Variants in ABRAXAS1 observed in about 807,000 individuals in gnomAD.
ABRAXAS1 encodes the protein abraxas 1, BRCA1 A complex subunit, also known as BRCA1-A complex subunit Abraxas 1.
ABRAXAS1 carries 26 observed loss-of-function variants against 38.4 expected under a neutral mutation model. The observed-to-expected ratio is 0.68, with a 90% CI of 0.50 to 0.94. The LOEUF is 0.94. ABRAXAS1 is among the 40% of genes least tolerant of loss of function. The pLI is 0.00. For synonymous variants in ABRAXAS1, 144 were observed against 165.5 expected (o/e 0.87, Z 1.00); for missense variants, 438 against 481.9 (o/e 0.91, Z 0.85).
intron 6 of ABRAXAS1, among the ~76,000 whole-genome samples, chr4:83,467,860 C>T (rs1414708969): frequency 6.6e-6 from 1 of 151,768 alleles, no homozygotes; most frequent in Non-Finnish European, 1.5e-5. Context: ...GCAATGGGAA[C>T]CGGAGTCAAT....
Position 83,485,062 on chromosome 4 carries a change from T to G in ABRAXAS1, c.11A>C (p.Glu4Ala), listed in dbSNP as rs780837222. 5 of 1,587,126 alleles carry G rather than the reference T, an allele frequency of 3.2e-6. No homozygotes were observed. The highest frequency in any genetic ancestry group is 4.3e-6 in the Non-Finnish European group (5 of 1,167,148). Residue 4 changes from glutamate to alanine, a missense_variant, in exon 1 of 9, where the codon GAG (glutamate) becomes GCG (alanine). By Grantham distance (107) the Glu-to-Ala change is moderately radical (BLOSUM62 -1). Transcript: ENST00000321945. MEG[E>A]STSAVLSGFV... ...GCCCGAGAGCACCGCCGACGTACTC[T>G]CCCCCTCCATGCTACCGCCGCCTCA...
intron 3 of ABRAXAS1, among the ~76,000 whole-genome samples, chr4:83,474,144 A>T (rs931390802): frequency 5.6e-5 from 8 of 141,940 alleles, no homozygotes; most frequent in Non-Finnish European, 1.1e-4. Flanking sequence ...CCTTGTCTAA[A>T]AAATAAATAA....
Position 83,462,783 on chromosome 4 carries a change from CAT to C in ABRAXAS1, c.914_915del (p.His305ArgfsTer3). 1 of 1,613,948 alleles carries C rather than the reference CAT, an allele frequency of 6.2e-7. No individual in the cohort carries two copies. Among genetic ancestry groups the C allele is most frequent in the Non-Finnish European group, 8.5e-7 (1 of 1,179,946 alleles). On this transcript the variant is annotated frameshift_variant, in exon 9 of 9. Transcript: ENST00000321945. LOFTEE classifies it low-confidence loss of function (END_TRUNC). ...TTGTAGTTACAGCTACTTTTAGAAA[CAT>C]GTCTATTTTTTAAAGACATAACACA... is the stretch of plus-strand genomic sequence containing the variant. The part of the protein sequence containing the change: ...HSCVMSLKNR[H>X]VSKSSCNYNH...
In ABRAXAS1 at chr4:83,480,645, T is replaced by C. The variant is rs570748542; in HGVS notation, c.178+1509A>G. Among the ~76,000 whole-genome samples, 53 of 152,276 alleles carry C rather than the reference T, an allele frequency of 3.5e-4. 1 individual carries two copies. In the Middle Eastern group the frequency reaches 0.014, roughly 39 times the overall value. On this transcript the variant is annotated intron_variant, in intron 2 of 8. Coordinates refer to ENST00000321945, the MANE Select transcript of ABRAXAS1 (RefSeq NM_139076.3). ...ATGCAGATCAAAAACCTTACAAGTG[T>C]TCATACCCTGTGACACAGTAATACC...
At chr4:83,476,920 GC>G (rs1162331883) in intron 2 of ABRAXAS1, among the ~76,000 whole-genome samples, 1 of 152,156 alleles carries the variant, frequency 6.6e-6, no homozygotes, top group Non-Finnish European at 1.5e-5. Flanking sequence ...AAAACCCAGA[GC>G]CTCGCCTGGA....
intron 2 of ABRAXAS1, chr4:83,478,678 T>C (rs1404776056): frequency 1.1e-5 from 2 of 184,688 alleles, no homozygotes; most frequent in Admixed American, 1.1e-4. Flanking sequence ...TGAAGATGGA[T>C]ACTAATGGAT....
chr4:83,477,410 A>G (rs1402598589), intron 2 of ABRAXAS1: 1 of 182,186 alleles, frequency 5.5e-6, no homozygotes, highest in Non-Finnish European at 1.1e-5. Flanking sequence ...ACCAAAAAAA[A>G]AAACTACAGT....
At position 83,463,509 on chromosome 4, in the gene ABRAXAS1, G is replaced by T; in HGVS notation, c.781C>A (p.Gln261Lys). The T allele has an allele frequency of 6.2e-7, 1 of 1,604,714 alleles. No homozygotes were observed. Among genetic ancestry groups the T allele is most frequent in the South Asian group, 1.1e-5 (1 of 90,060 alleles). ...KREIEKRRGAQIQAAREKNIQ... is the reference protein window; with the variant it reads ...KREIEKRRGAKIQAAREKNIQ... ...GTTTACTTACTTGCTGCCTGAATCT[G>T]TGCTCCTCTCCTTTTCTCAATTTCT... is the stretch of plus-strand genomic sequence containing the variant. The change falls in exon 8 of 9, where the codon CAG (glutamine) becomes AAG (lysine). Residue 261 changes from glutamine (Q) to lysine (K), a missense_variant. By Grantham distance (53) the Gln-to-Lys change is moderately conservative. Transcript: ENST00000321945.
At position 83,484,212 on chromosome 4, in the gene ABRAXAS1, T is replaced by C. The variant is rs938904085; in HGVS notation, c.87+774A>G. 2.2e-5 allele frequency: 22 copies of C among 985,114 alleles called. No homozygotes were observed. In the Admixed American group the frequency reaches 5.5e-4, roughly 25 times the overall value. The allele number at this position is 985,114 out of a possible 1,614,324, so 61.0% of individuals were successfully genotyped here. A position where few individuals can be genotyped will look rare whatever the true frequency, so the allele number is the denominator to read the frequency against. ...GTAAAATAGACGTTATATCTTAAAA[T>C]GAACTTAGCAGAAATTACTAGGCAT... On this transcript the variant is annotated intron_variant, in intron 1 of 8. Transcript: ENST00000321945.
chr4:83,472,584 TA>T (rs1722622699), intron 3 of ABRAXAS1, among the ~76,000 whole-genome samples: 1 of 152,224 alleles, frequency 6.6e-6, no homozygotes, highest in African/African-American at 2.4e-5. Flanking sequence ...ATACAGGTAT[TA>T]AAATGTAAGT....
In ABRAXAS1 at chr4:83,477,302, GA is replaced by G. The variant is rs556211110; in HGVS notation, c.179-624del. On this transcript the variant is annotated intron_variant, in intron 2 of 8. Transcript: ENST00000321945. Reference sequence around the variant, plus strand: ...GGGCGGCACGCTAATTTCAATTAGGGAAAAAAAATGCTCTAAGGGCTTGCTT... The same window carrying G: ...GGGCGGCACGCTAATTTCAATTAGGGAAAAAAATGCTCTAAGGGCTTGCTT... Among the ~76,000 whole-genome samples, 569 of 150,922 alleles carry G rather than the reference GA, an allele frequency of 3.8e-3. 5 individuals carry two copies. Among genetic ancestry groups the G allele is most frequent in the African/African-American group, 0.013 (538 of 41,222 alleles).
At chr4:83,470,111 A>G (rs1489061017) in intron 5 of ABRAXAS1, 92 bp downstream of exon 5, 4 of 907,504 alleles carry the variant, frequency 4.4e-6, no homozygotes, top group African/African-American at 1.7e-5. Context: ...ATGCGACAAT[A>G]TATGAGAACA....
intron 7 of ABRAXAS1, among the ~76,000 whole-genome samples, chr4:83,465,299 C>CAAAAAAAAAAAAAAAAAAAAA (rs35072866): frequency 1.9e-4 from 17 of 88,202 alleles, no homozygotes; most frequent in African/African-American, 6.8e-4. Flanking sequence ...GACTCTGTCT[C>CAAAAAAAAAAAAAAAAAAAAA]AAAAAAAAAA....
chr4:83,476,480 ATACACAAGTGATTTTTT>A (rs1157833273), intron 3 of ABRAXAS1, among the ~76,000 whole-genome samples, 146 bp downstream of exon 3: 3 of 152,210 alleles, frequency 2.0e-5, no homozygotes, highest in African/African-American at 7.2e-5. Context: ...AGGGTTGACA[ATACACAAGTGATTTTTT>A]CAGCTATTTA....
At position 83,476,632 on chromosome 4, in the gene ABRAXAS1, C is replaced by T; in HGVS notation, c.215+11G>A. ...ACAATGGATCATTTACTTACTAGCA[C>T]TACTACTTACCTAAAAAGCTGATAG... On this transcript the variant is annotated intron_variant, in intron 3 of 8. Transcript: ENST00000321945. 6.5e-7 allele frequency: 1 copy of T among 1,550,142 alleles called. No homozygotes were observed. The highest frequency in any genetic ancestry group is 8.9e-7 in the Non-Finnish European group (1 of 1,123,706).
intron 2 of ABRAXAS1, chr4:83,479,762 G>A: frequency 6.4e-6 from 1 of 155,118 alleles, no homozygotes; most frequent in Non-Finnish European, 1.4e-5. Context: ...AGGAGTTTGA[G>A]ACCAGCCTGG....
rs1486618837 is a variant in ABRAXAS1 at position 83,461,236 on chromosome 4, A to ACT, written c.*1232_*1233insAG. 17 of 1,578,966 alleles carry ACT rather than the reference A, an allele frequency of 1.1e-5. No homozygotes were observed. Among genetic ancestry groups the ACT allele is most frequent in the Non-Finnish European group, 1.5e-5 (17 of 1,150,496 alleles). The stretch of plus-strand genomic sequence containing the variant: ...ACCACTAATAAACTTATTTTACAGT[A>ACT]AGTGGTTGTATGATGCCAATACTGA... On this transcript the variant is annotated 3_prime_UTR_variant, in exon 9 of 9. Transcript: ENST00000321945.
At chr4:83,480,293 C>T (rs910424762) in intron 2 of ABRAXAS1, 1 of 362,778 alleles carries the variant, frequency 2.8e-6, no homozygotes, top group Non-Finnish European at 5.5e-6. Context: ...AATCGCTTGA[C>T]CTCGAGAGGC....
rs1722175266 is a variant in ABRAXAS1 at position 83,462,699 on chromosome 4, C to G, written c.1000G>C (p.Glu334Gln). The G allele has an allele frequency of 1.2e-6, 2 of 1,613,652 alleles. No individual in the cohort carries two copies. The highest frequency in any genetic ancestry group is 2.7e-5 in the African/African-American group (2 of 74,914). ...TGTGGTGTACTAGCTGGACTAGCTT[C>G]AGGAATGTCAGTGTGTTCTACCATT... ...TLMVEHTDIP[E>Q]ASPASTPQII... is the part of the protein sequence containing the mutation. The change falls in exon 9 of 9, where the codon GAA (glutamate) becomes CAA (glutamine). Residue 334 changes from glutamate (E) to glutamine (Q), a missense_variant. This residue lies in a region of ABRAXAS1 where 184 missense variants were observed against 181.9 expected (regional missense o/e 1.01). Coordinates refer to ENST00000321945, the MANE Select transcript of ABRAXAS1 (RefSeq NM_139076.3).
Sources: gnomAD v4.1 joint callset for allele counts (sites outside exome capture counted in the v4.1 genomes callset) on GRCh38, gnomAD v4.1.1 for gene constraint, gnomAD v4.1.1 regional missense constraint, MANE v1.5 for transcripts, NCBI Gene and HGNC (gene_info 2026-07-23, HGNC 2026-07-21) for gene names.